CATSPERB: variants seen among roughly 807,000 people sequenced by gnomAD.
CATSPERB encodes the protein catsper channel auxiliary subunit beta.
In CATSPERB, 93 loss-of-function variants were observed where a neutral mutation model predicts 128.3. That is an observed-to-expected ratio of 0.72 (90% CI 0.61 to 0.86). The LOEUF is 0.86. Among genes scored for constraint, CATSPERB ranks in the 40% least tolerant of loss-of-function variants. The pLI, the probability that CATSPERB is intolerant of heterozygous loss-of-function variation, is 0.00. For missense variants in CATSPERB, 1,153 were observed against 1,329.5 expected (o/e 0.87, Z 2.06); for synonymous variants, 381 against 448.8 (o/e 0.85, Z 1.91).
At chr14:91,717,917 A>G (rs1029812397) in intron 5 of CATSPERB, among the ~76,000 whole-genome samples, 1 of 152,180 alleles carries the variant, frequency 6.6e-6, no homozygotes, top group African/African-American at 2.4e-5. Context: ...GCACAAAGAT[A>G]TTTCTTTTTA....
intron 22 of CATSPERB, among the ~76,000 whole-genome samples, chr14:91,597,647 C>T (rs1032547850): frequency 6.6e-6 from 1 of 152,196 alleles, no homozygotes; most frequent in African/African-American, 2.4e-5. Context: ...CTCACAATCT[C>T]ATGTGCCCAC....
rs547649333 is a variant in CATSPERB, at chr14:91,694,438, CAAAAAAAAA to C, written c.617-968_617-960del. 2.4e-4 allele frequency among the ~76,000 whole-genome samples: 16 copies of C among 65,766 alleles called. 1 individual carries two copies. In the East Asian group the frequency reaches 3.4e-3, roughly 14 times the overall value. The allele number at this position is 65,766 out of a possible 152,430, so 43.1% of individuals were successfully genotyped here. ...TGGGAGACAAAGAGAGACCCTATCT[CAAAAAAAAA>C]AAAAAAAAAAAAAAAAAAAGAAATC... On this transcript the variant is annotated intron_variant, in intron 7 of 26. Transcript: ENST00000256343.
At chr14:91,664,936 T>C (rs1894954142) in intron 14 of CATSPERB, among the ~76,000 whole-genome samples, 1 of 152,114 alleles carries the variant, frequency 6.6e-6, no homozygotes, top group Admixed American at 6.5e-5. Flanking sequence ...GTCACCCAGG[T>C]TGGAGTGCAA....
chr14:91,708,044 C>A (rs1895764989), intron 6 of CATSPERB, 97 bp downstream of exon 6: 5 of 778,626 alleles, frequency 6.4e-6, no homozygotes, highest in Non-Finnish European at 1.1e-5. Flanking sequence ...TATTTTTAAT[C>A]TCTAGGACCT....
intron 12 of CATSPERB, 137 bp from the exon 13 acceptor site, chr14:91,673,153 C>T: frequency 1.3e-6 from 1 of 751,468 alleles, no homozygotes. Flanking sequence ...CCTTCCCTCC[C>T]TGGTCTTAAA....
At chr14:91,618,182 G>T (rs1033902611) in intron 19 of CATSPERB, among the ~76,000 whole-genome samples, 2 of 152,158 alleles carry the variant, frequency 1.3e-5, no homozygotes, top group Non-Finnish European at 2.9e-5. Flanking sequence ...CTGTCATGGT[G>T]CTGGTGGGAG....
At chr14:91,628,728 C>T (rs1894215428) in intron 17 of CATSPERB, among the ~76,000 whole-genome samples, 1 of 152,178 alleles carries the variant, frequency 6.6e-6, no homozygotes, top group South Asian at 2.1e-4. Flanking sequence ...AACCTCTTTC[C>T]TTTATAAATT....
chr14:91,624,627 C>T (rs1408586756), intron 18 of CATSPERB, among the ~76,000 whole-genome samples, 193 bp downstream of exon 18: 3 of 148,122 alleles, frequency 2.0e-5, no homozygotes, highest in Non-Finnish European at 3.0e-5. Context: ...GGCGATAGAG[C>T]GAGACTCCAT....
intron 15 of CATSPERB, among the ~76,000 whole-genome samples, chr14:91,640,365 G>A (rs1432016579): frequency 7.5e-6 from 1 of 132,526 alleles, no homozygotes; most frequent in African/African-American, 3.0e-5. Context: ...TCTAGCATTA[G>A]GTATATCTCC....
At chr14:91,586,125 T>A (rs1893293160) in intron 26 of CATSPERB, among the ~76,000 whole-genome samples, 1 of 152,200 alleles carries the variant, frequency 6.6e-6, no homozygotes, top group Non-Finnish European at 1.5e-5. Context: ...TTTCTTCAGG[T>A]GTGCCCTGGT....
intron 23 of CATSPERB, among the ~76,000 whole-genome samples, chr14:91,590,209 G>A (rs1009027282): frequency 6.6e-6 from 1 of 152,130 alleles, no homozygotes; most frequent in Non-Finnish European, 1.5e-5. Context: ...GTTCAGCAAG[G>A]GGGTATATAA....
intron 19 of CATSPERB, among the ~76,000 whole-genome samples, chr14:91,619,891 G>GTGTGTC (rs1485626025): frequency 6.8e-6 from 1 of 147,932 alleles, no homozygotes; most frequent in African/African-American, 2.5e-5. Context: ...GTGTGTGTGT[G>GTGTGTC]TGTGTGTGTG....
chr14:91,671,574 G>C (rs1895088135), intron 13 of CATSPERB, among the ~76,000 whole-genome samples: 1 of 150,774 alleles, frequency 6.6e-6, no homozygotes, highest in South Asian at 2.1e-4. Flanking sequence ...CTGGGCAGCA[G>C]AGCGAGACCC....
At chr14:91,664,355 T>C (rs996615643) in intron 14 of CATSPERB, among the ~76,000 whole-genome samples, 4 of 135,870 alleles carry the variant, frequency 2.9e-5, no homozygotes, top group Non-Finnish European at 3.1e-5. Context: ...AACCTCTGCC[T>C]CCCCAGTTCA....
At chr14:91,625,039 G>A (rs1894133532) in intron 17 of CATSPERB, 32 bp from the exon 18 acceptor site, 2 of 1,422,118 alleles carry the variant, frequency 1.4e-6, no homozygotes, top group Non-Finnish European at 1.9e-6. Context: ...AAGCAATTTG[G>A]ATAAAACAGT....
chr14:91,715,552 C>CAA lies in CATSPERB; in HGVS notation c.370+3864_370+3865dup, dbSNP rs57554614. On this transcript the variant is annotated intron_variant, in intron 5 of 26. Transcript: ENST00000256343. ...GGGCAATAAGAGTGAGACTCCATCT[C>CAA]AAAAAAAAAAAAAAAAAAAAAAGAT... 6.3e-3 allele frequency among the ~76,000 whole-genome samples: 282 copies of CAA among 44,598 alleles called. 1 individual carries two copies. The highest frequency in any genetic ancestry group is 0.019 in the Middle Eastern group (2 of 108). The allele number at this position is 44,598 out of a possible 152,430, so 29.3% of individuals were successfully genotyped here. A position where few individuals can be genotyped will look rare whatever the true frequency, so the allele number is the denominator to read the frequency against.
At chr14:91,701,507 G>A (rs2139852365) in intron 7 of CATSPERB, among the ~76,000 whole-genome samples, 1 of 152,228 alleles carries the variant, frequency 6.6e-6, no homozygotes, top group Non-Finnish European at 1.5e-5. Context: ...GGATAGAGCG[G>A]GATAAAAGTT....
chr14:91,635,576 T>G (rs1894358668), intron 17 of CATSPERB: 1 of 152,194 alleles, frequency 6.6e-6, no homozygotes. Context: ...CAGACTGGTC[T>G]CCAACTCCTG....
At chr14:91,678,731 G>T (rs7161259) in intron 11 of CATSPERB, among the ~76,000 whole-genome samples, 58,767 of 152,028 alleles carry the variant, frequency 0.39, 11,670 homozygotes, top group Non-Finnish European at 0.44. Context: ...CTGCTAGATA[G>T]ATTAAGCTGT....
Sources: gnomAD v4.1 joint callset for allele counts (sites outside exome capture counted in the v4.1 genomes callset) on GRCh38, gnomAD v4.1.1 for gene constraint, MANE v1.5 for transcripts, NCBI Gene and HGNC (gene_info 2026-07-23, HGNC 2026-07-21) for gene names.